MICOS13: variants seen among roughly 807,000 people sequenced by gnomAD.
MICOS13 encodes the protein MICOS complex subunit MIC13.
MICOS13 carries 15 observed loss-of-function variants against 16.1 expected under a neutral mutation model. That is an observed-to-expected ratio of 0.93 (90% CI 0.62 to 1.44). The LOEUF is 1.44. MICOS13 is among the 40% of genes most tolerant of loss of function. The pLI is 0.00. For synonymous variants in MICOS13, 61 were observed against 62.6 expected (o/e 0.97, Z 0.12); for missense variants, 164 against 155.0 (o/e 1.06, Z -0.31).
chr19:5,679,734 C>G lies in MICOS13; in HGVS notation c.59G>C (p.Gly20Ala). The change falls in exon 2 of 4, where the codon GGC becomes GCC. Residue 20 changes from glycine to alanine, a missense_variant. Transcript: ENST00000309324. ...CTGGTCGTACACCAGGTAGACGGCGCCCCCAGCCACACTTCCCTTGATGAG... is the reference window on the plus strand; with the variant it reads ...CTGGTCGTACACCAGGTAGACGGCGGCCCCAGCCACACTTCCCTTGATGAG... ...RFLIKGSVAG[G>A]AVYLVYDQEL... 6.2e-7 allele frequency: 1 copy of G among 1,608,090 alleles called. No homozygotes were observed. The highest frequency in any genetic ancestry group is 2.2e-5 in the East Asian group (1 of 44,788).
In MICOS13 at chr19:5,678,668, A is replaced by G; in HGVS notation, c.260-20T>C. ...TGATGCCTGTGGGAAAGGGACGGCCACTGGTGATACTCCCCTCCCAGCCTC... is the reference window on the plus strand; with the variant it reads ...TGATGCCTGTGGGAAAGGGACGGCCGCTGGTGATACTCCCCTCCCAGCCTC... On this transcript the variant is annotated intron_variant, in intron 3 of 3. Coordinates refer to ENST00000309324, the MANE Select transcript of MICOS13 (RefSeq NM_205767.3). 6.8e-7 allele frequency: 1 copy of G among 1,472,650 alleles called. No individual in the cohort carries two copies. Among genetic ancestry groups the G allele is most frequent in the Non-Finnish European group, 9.1e-7 (1 of 1,101,604 alleles). The allele number at this position is 1,472,650 out of a possible 1,614,324, so 91.2% of individuals were successfully genotyped here. A position where few individuals can be genotyped will look rare whatever the true frequency, so the allele number is the denominator to read the frequency against.
Position 5,679,729 on chromosome 19 carries a change from C to T in MICOS13, c.64G>A (p.Val22Ile), listed in dbSNP as rs1417149665. ...AGCTCCTGGTCGTACACCAGGTAGACGGCGCCCCCAGCCACACTTCCCTTG... is the reference window on the plus strand; with the variant it reads ...AGCTCCTGGTCGTACACCAGGTAGATGGCGCCCCCAGCCACACTTCCCTTG... The part of the protein sequence containing the change: ...LIKGSVAGGA[V>I]YLVYDQELLG... Residue 22 changes from valine (V) to isoleucine (I), a missense_variant, in exon 2 of 4, where the codon GTC becomes ATC. Val to Ile is a conservative substitution (Grantham distance 29). Coordinates refer to ENST00000309324, the MANE Select transcript of MICOS13 (RefSeq NM_205767.3). 16 of 1,608,786 alleles carry T rather than the reference C, an allele frequency of 9.9e-6. No individual in the cohort carries two copies. Among genetic ancestry groups the T allele is most frequent in the African/African-American group, 2.7e-5 (2 of 74,788 alleles).
intron 1 of MICOS13, 146 bp from the exon 2 acceptor site, chr19:5,679,909 C>G: frequency 7.4e-7 from 1 of 1,345,436 alleles, no homozygotes. Context: ...CGACCCAGAC[C>G]CCTATTATAT....
In MICOS13 at chr19:5,678,570, A is replaced by C. The variant is rs749245344; in HGVS notation, c.338T>G (p.Val113Gly). The change falls in exon 4 of 4, where the codon GTG (valine) becomes GGG (glycine). Residue 113 changes from valine (V) to glycine (G), a missense_variant. By Grantham distance (109) the Val-to-Gly change is moderately radical. Coordinates refer to ENST00000309324, the MANE Select transcript of MICOS13 (RefSeq NM_205767.3). Reference protein sequence around the residue: ...REYSKEGWEYVKARTK With the variant: ...REYSKEGWEYGKARTK Reference sequence around the variant, plus strand: ...GACTCGCTACTTGGTGCGCGCCTTCACATACTCCCAGCCCTCCTTGGAGTA... The same window carrying C: ...GACTCGCTACTTGGTGCGCGCCTTCCCATACTCCCAGCCCTCCTTGGAGTA... 6 of 1,549,488 alleles carry C rather than the reference A, an allele frequency of 3.9e-6. No individual in the cohort carries two copies. Among genetic ancestry groups the C allele is most frequent in the Non-Finnish European group, 5.2e-6 (6 of 1,146,694 alleles).
Position 5,678,646 on chromosome 19 carries a change from T to G in MICOS13, c.262A>C (p.Ile88Leu). Residue 88 changes from isoleucine to leucine, a missense_variant and splice_region_variant, in exon 4 of 4, where the codon ATC (isoleucine) becomes CTC (leucine). Physicochemically the swap from Ile to Leu is conservative, Grantham distance 5 (BLOSUM62 2). Transcript: ENST00000309324. ...FPIRDSWNAG[I>L]MTVMSALSVA... Reference sequence around the variant, plus strand: ...GACAGAGCTGACATCACCGTCATGATGCCTGTGGGAAAGGGACGGCCACTG... The same window carrying G: ...GACAGAGCTGACATCACCGTCATGAGGCCTGTGGGAAAGGGACGGCCACTG... The G allele has an allele frequency of 6.6e-7, 1 of 1,521,768 alleles. No individual in the cohort carries two copies. The highest frequency in any genetic ancestry group is 8.8e-7 in the Non-Finnish European group (1 of 1,131,778). The allele number at this position is 1,521,768 out of a possible 1,614,324, so 94.3% of individuals were successfully genotyped here. A position where few individuals can be genotyped will look rare whatever the true frequency, so the allele number is the denominator to read the frequency against.
chr19:5,679,253 G>T, intron 3 of MICOS13, 92 bp downstream of exon 3: 1 of 1,345,686 alleles, frequency 7.4e-7, no homozygotes, highest in Non-Finnish European at 1.0e-6. Flanking sequence ...TGTCGGGCAG[G>T]AAGGAGGATG....
chr19:5,679,912 T>C (rs772815007), intron 1 of MICOS13, 149 bp from the exon 2 acceptor site: 2 of 1,342,238 alleles, frequency 1.5e-6, no homozygotes. Flanking sequence ...CCCAGACCCC[T>C]ATTATATACA....
rs8584 is a variant in MICOS13 at position 5,678,515 on chromosome 19, C to T, written c.*36G>A. On this transcript the variant is annotated 3_prime_UTR_variant, in exon 4 of 4. Coordinates refer to ENST00000309324, the MANE Select transcript of MICOS13 (RefSeq NM_205767.3). ...GTCTTCAGGTCAGTGGCAGCCCTGC[C>T]CGTTCTGGCCGGGGCAGGCGGCCCC... 7.8e-4 allele frequency: 1,201 copies of T among 1,530,530 alleles called. 10 individuals carry two copies. In the African/African-American group the frequency reaches 0.015, roughly 19 times the overall value. 94.8% of individuals were successfully genotyped at this position (1,530,530 alleles called of 1,614,324 possible).
chr19:5,678,721 TAGAG>T, intron 3 of MICOS13, 73 bp from the exon 4 acceptor site: 1 of 900,900 alleles, frequency 1.1e-6, no homozygotes, highest in Non-Finnish European at 1.5e-6. Context: ...TGGGAAACTC[TAGAG>T]TTTGTTTTGG....
At chr19:5,680,171 C>A (rs1165632810) in intron 1 of MICOS13, 2 of 1,536,504 alleles carry the variant, frequency 1.3e-6, no homozygotes, top group Admixed American at 3.9e-5. Context: ...GCAGGATTCA[C>A]CGGCATTCCC....
chr19:5,679,488 G>A, intron 2 of MICOS13, 92 bp from the exon 3 acceptor site: 1 of 1,592,900 alleles, frequency 6.3e-7, no homozygotes, highest in Middle Eastern at 2.0e-4. Flanking sequence ...GGAGAATCAG[G>A]TCAGCATCAA....
chr19:5,679,289 G>A, intron 3 of MICOS13, 56 bp downstream of exon 3: 6 of 1,522,616 alleles, frequency 3.9e-6, no homozygotes, highest in Non-Finnish European at 5.4e-6. Context: ...CCAGGAAGTG[G>A]GGAGAGGGGC....
rs771755503 is a variant in MICOS13 at position 5,680,474 on chromosome 19, C to A, written c.13G>T (p.Val5Leu). The change falls in exon 1 of 4, where the codon GTG (valine) becomes TTG (leucine). Residue 5 changes from valine to leucine, a missense_variant. Physicochemically the swap from Val to Leu is conservative, Grantham distance 32. Transcript: ENST00000309324. Reference sequence around the variant, plus strand: ...CCCACGCACCTCATCAGCGACCACACCCGGGCCACCATGGTCGCTCGGATC... The same window carrying A: ...CCCACGCACCTCATCAGCGACCACAACCGGGCCACCATGGTCGCTCGGATC... MVAR[V>L]WSLMRFLIKG... is the part of the protein sequence containing the mutation. 3 of 1,608,634 alleles carry A rather than the reference C, an allele frequency of 1.9e-6. No individual in the cohort carries two copies. Among genetic ancestry groups the A allele is most frequent in the Non-Finnish European group, 2.5e-6 (3 of 1,178,786 alleles).
intron 2 of MICOS13, 78 bp downstream of exon 2, chr19:5,679,508 C>A: frequency 6.3e-7 from 1 of 1,593,394 alleles, no homozygotes; most frequent in Non-Finnish European, 8.6e-7. Flanking sequence ...ATATGGAGGA[C>A]AACATCGTGC....
intron 1 of MICOS13, chr19:5,680,183 C>T (rs889141725): frequency 2.6e-6 from 4 of 1,537,068 alleles, no homozygotes; most frequent in African/African-American, 2.7e-5. Flanking sequence ...GGCATTCCCA[C>T]CTCACAGAGA....
chr19:5,678,746 G>C, intron 3 of MICOS13, 98 bp from the exon 4 acceptor site: 6 of 628,022 alleles, frequency 9.6e-6, no homozygotes, highest in Non-Finnish European at 1.6e-5. Flanking sequence ...GCGGTGGGGG[G>C]TGGGTGGGGG....
Position 5,679,674 on chromosome 19 carries a change from G to T in MICOS13, c.119C>A (p.Ala40Asp). The T allele has an allele frequency of 6.2e-7, 1 of 1,610,338 alleles. No individual in the cohort carries two copies. Among genetic ancestry groups the T allele is most frequent in the Non-Finnish European group, 8.5e-7 (1 of 1,179,190 alleles). The change falls in exon 2 of 4, where the codon GCC becomes GAC. Residue 40 changes from alanine to aspartate, a missense_variant. Coordinates refer to ENST00000309324, the MANE Select transcript of MICOS13 (RefSeq NM_205767.3). ...LLGPSDKSQAALQKAGEVVPP... is the reference protein window; with the variant it reads ...LLGPSDKSQADLQKAGEVVPP... ...GACCACCTCCCCAGCCTTCTGTAGG[G>T]CTGCCTGGCTCTTGTCGCTGGGCCC...
chr19:5,679,897 G>T, intron 1 of MICOS13, 134 bp from the exon 2 acceptor site: 1 of 1,354,770 alleles, frequency 7.4e-7, no homozygotes, highest in Non-Finnish European at 9.9e-7. Context: ...GTGCAGCACC[G>T]TCGACCCAGA....
intron 2 of MICOS13, 47 bp downstream of exon 2, chr19:5,679,539 G>T: frequency 6.2e-7 from 1 of 1,601,252 alleles, no homozygotes; most frequent in East Asian, 2.2e-5. Context: ...GGACCTCCCA[G>T]AGCTGACCAC....
Sources: gnomAD v4.1 joint callset for allele counts on GRCh38, gnomAD v4.1.1 for gene constraint, MANE v1.5 for transcripts, NCBI Gene and HGNC (gene_info 2026-07-23, HGNC 2026-07-21) for gene names.